Variants in ADGRL3 observed in about 807,000 individuals in gnomAD.
ADGRL3 encodes calcium-independent alpha-latrotoxin receptor 3.
A neutral mutation model predicts 153.5 loss-of-function variants in ADGRL3; 62 were observed. The observed-to-expected ratio is 0.40, with a 90% CI of 0.33 to 0.50. The LOEUF is 0.50. ADGRL3 is among the 20% of genes least tolerant of loss of function. ADGRL3 has a pLI of 0.47. For missense variants in ADGRL3, 1,641 were observed against 1,859.4 expected, an observed-to-expected ratio of 0.88 and a Z score of 2.16; for synonymous variants, 710 against 672.5, an observed-to-expected ratio of 1.06 and a Z score of -0.86.
At chr4:61,528,097 T>C (rs2098583741) in intron 4 of ADGRL3, among the ~76,000 whole-genome samples, 2 of 152,142 alleles carry the variant, frequency 1.3e-5, no homozygotes, top group South Asian at 2.1e-4. Context: ...CATGACTCAC[T>C]TGAAAGATGT....
At chr4:61,752,811 G>A (rs2096773087) in intron 8 of ADGRL3, among the ~76,000 whole-genome samples, 1 of 152,114 alleles carries the variant, frequency 6.6e-6, no homozygotes. Context: ...GCATTCACCT[G>A]TAGTCCTAGC....
chr4:61,340,635 G>A (rs1461506094), intron 1 of ADGRL3, among the ~76,000 whole-genome samples: 2 of 152,000 alleles, frequency 1.3e-5, no homozygotes, highest in African/African-American at 4.8e-5. Flanking sequence ...CTTATGCTGT[G>A]TATCTTATGC....
At chr4:61,953,006 T>C (rs1223366556) in intron 17 of ADGRL3, among the ~76,000 whole-genome samples, 1 of 152,214 alleles carries the variant, frequency 6.6e-6, no homozygotes, top group Non-Finnish European at 1.5e-5. Context: ...CTCTTGTGAT[T>C]GTTTACATCA....
intron 15 of ADGRL3, among the ~76,000 whole-genome samples, chr4:61,946,019 T>C (rs2098921682): frequency 6.6e-6 from 1 of 152,246 alleles, no homozygotes; most frequent in Non-Finnish European, 1.5e-5. Context: ...TAAATAATAA[T>C]TGACTTGTTT....
intron 8 of ADGRL3, among the ~76,000 whole-genome samples, chr4:61,794,395 T>C (rs2097381660): frequency 6.6e-6 from 1 of 152,332 alleles, no homozygotes; most frequent in Admixed American, 6.5e-5. Context: ...TGATGTCTTT[T>C]ACTAATGTAT....
chr4:61,605,599 A>T (rs1371758184), intron 5 of ADGRL3, among the ~76,000 whole-genome samples: 1 of 152,220 alleles, frequency 6.6e-6, no homozygotes, highest in Non-Finnish European at 1.5e-5. Flanking sequence ...CTAGGGATAC[A>T]AGTAAATTAT....
intron 3 of ADGRL3, among the ~76,000 whole-genome samples, chr4:61,514,447 T>G (rs2098480687): frequency 1.3e-5 from 2 of 152,236 alleles, no homozygotes; most frequent in Admixed American, 1.3e-4. Context: ...AAATTGGATT[T>G]ATATTTATAA....
At chr4:61,335,952 G>GCTCT (rs1312738983) in intron 1 of ADGRL3, among the ~76,000 whole-genome samples, 2 of 151,934 alleles carry the variant, frequency 1.3e-5, no homozygotes, top group African/African-American at 4.8e-5. Context: ...TTGAAGCTGT[G>GCTCT]CTCTCATAAT....
intron 1 of ADGRL3, among the ~76,000 whole-genome samples, chr4:61,263,308 C>A (rs369292998): frequency 6.7e-6 from 1 of 149,978 alleles, no homozygotes. Context: ...CCTAATTTTC[C>A]CAGAAAAATA....
chr4:61,535,860 C>T (rs2098652703), intron 4 of ADGRL3, among the ~76,000 whole-genome samples: 1 of 151,706 alleles, frequency 6.6e-6, no homozygotes, highest in Non-Finnish European at 1.5e-5. Flanking sequence ...CAATTTTTTA[C>T]TTCATTTATT....
At chr4:61,331,352 T>G (rs1412638895) in intron 1 of ADGRL3, among the ~76,000 whole-genome samples, 1 of 152,200 alleles carries the variant, frequency 6.6e-6, no homozygotes, top group East Asian at 1.9e-4. Flanking sequence ...TTGATACTTA[T>G]ACCAACAATA....
At chr4:61,755,564 T>C in intron 8 of ADGRL3, among the ~76,000 whole-genome samples, 1 of 152,210 alleles carries the variant, frequency 6.6e-6, no homozygotes, top group East Asian at 1.9e-4. Flanking sequence ...TCCCGTTCTG[T>C]AGGTTGCCTG....
chr4:61,461,528 G>T (rs140116426), intron 2 of ADGRL3, among the ~76,000 whole-genome samples: 303 of 151,856 alleles, frequency 2.0e-3, no homozygotes, highest in Non-Finnish European at 2.4e-3. Flanking sequence ...AATAAATATA[G>T]AAATATTCAT....
rs560375177 is a variant in ADGRL3 at position 61,577,186 on chromosome 4, G to C, written c.260-10041G>C. On this transcript the variant is annotated intron_variant, in intron 4 of 26. Coordinates refer to ENST00000683033, the MANE Select transcript of ADGRL3 (RefSeq NM_001387552.1). ...TGTGTGTATGTGTGTGTGTGTGAGA[G>C]AGAGAGTGTGTGTGCATGTGTGTGT... 1.8e-3 allele frequency among the ~76,000 whole-genome samples: 268 copies of C among 146,574 alleles called. 1 individual carries two copies. The highest frequency in any genetic ancestry group is 6.3e-3 in the African/African-American group (254 of 40,478).
chr4:61,662,115 G>T (rs913980493), intron 5 of ADGRL3, among the ~76,000 whole-genome samples: 3 of 152,300 alleles, frequency 2.0e-5, no homozygotes, highest in Non-Finnish European at 4.4e-5. Flanking sequence ...CAGGAGCCGG[G>T]AACAGACGGA....
intron 2 of ADGRL3, among the ~76,000 whole-genome samples, chr4:61,474,346 C>T (rs956056142): frequency 3.9e-5 from 6 of 152,084 alleles, no homozygotes; most frequent in Middle Eastern, 3.2e-3. Flanking sequence ...TGACTGTTTT[C>T]TGCCGGAGGG....
At chr4:61,532,642 G>A (rs2098630074) in intron 4 of ADGRL3, among the ~76,000 whole-genome samples, 1 of 150,438 alleles carries the variant, frequency 6.6e-6, no homozygotes, top group African/African-American at 2.4e-5. Flanking sequence ...TCCCAATTAG[G>A]ATGATGCCTG....
chr4:61,295,762 C>A (rs1414226220), intron 1 of ADGRL3, among the ~76,000 whole-genome samples: 3 of 150,528 alleles, frequency 2.0e-5, no homozygotes, highest in Non-Finnish European at 4.4e-5. Flanking sequence ...AGTTTGAGAC[C>A]AGCCTAGGCA....
chr4:62,031,310 A>T, intron 22 of ADGRL3, 132 bp from the exon 23 acceptor site: 1 of 662,276 alleles, frequency 1.5e-6, no homozygotes, highest in Non-Finnish European at 2.4e-6. Flanking sequence ...AAGTACTTAC[A>T]CCACCTGTCT....
Sources: gnomAD v4.1 joint callset for allele counts (sites outside exome capture counted in the v4.1 genomes callset) on GRCh38, gnomAD v4.1.1 for gene constraint, MANE v1.5 for transcripts, NCBI Gene and HGNC (gene_info 2026-07-23, HGNC 2026-07-21) for gene names.